MYT1L: variants seen among roughly 807,000 people sequenced by gnomAD.
MYT1L encodes myelin transcription factor 1 like.
MYT1L carries 12 observed loss-of-function variants against 126.7 expected under a neutral mutation model. The observed-to-expected ratio is 0.09, with a 90% CI of 0.06 to 0.15. The LOEUF (loss-of-function observed/expected upper bound fraction) is 0.15. Ranked by LOEUF, MYT1L falls within the 10% of genes least tolerant of loss-of-function variation. The probability of loss-of-function intolerance (pLI) is 1.00; values close to 1 mark genes in which losing one functional copy is unlikely to be tolerated. For missense variants in MYT1L, 979 were observed against 1,585.2 expected (o/e 0.62, Z 6.49); for synonymous variants, 541 against 604.2 (o/e 0.90, Z 1.53).
chr2:2,057,399 C>T (rs576300127), intron 3 of MYT1L, among the ~76,000 whole-genome samples: 10 of 152,054 alleles, frequency 6.6e-5, no homozygotes, highest in Non-Finnish European at 1.2e-4. Context: ...CATAGCCACA[C>T]TCACCCTTTT....
chr2:1,805,439 G>C (rs1422387467), intron 22 of MYT1L, among the ~76,000 whole-genome samples: 1 of 152,202 alleles, frequency 6.6e-6, no homozygotes, highest in Non-Finnish European at 1.5e-5. Context: ...CCCCAGGAAA[G>C]GCTTTACACT....
intron 4 of MYT1L, among the ~76,000 whole-genome samples, chr2:2,009,421 T>C (rs575759779): frequency 6.6e-6 from 1 of 152,222 alleles, no homozygotes; most frequent in African/African-American, 2.4e-5. Flanking sequence ...ATCATTTACC[T>C]CCTTTGTTAA....
chr2:1,809,102 A>C lies in MYT1L; in HGVS notation c.3146T>G (p.Leu1049Arg). ...GTTGCTGGCCCGCTGTTTGATGGTC[A>C]GCATCTGCTCTCCAGAAAGCTTTGC... ...KKAKLSGEQMLTIKQRASNGI... is the reference protein window; with the variant it reads ...KKAKLSGEQMRTIKQRASNGI... The change falls in exon 22 of 25, where the codon CTG (leucine) becomes CGG (arginine). Residue 1049 changes from leucine (L) to arginine (R), a missense_variant. Physicochemically the swap from Leu to Arg is moderately radical, Grantham distance 102 (BLOSUM62 -2). Coordinates refer to ENST00000647738, the MANE Select transcript of MYT1L (RefSeq NM_001303052.2). 9 of 1,613,978 alleles carry C rather than the reference A, an allele frequency of 5.6e-6. No individual in the cohort carries two copies. Among genetic ancestry groups the C allele is most frequent in the Non-Finnish European group, 7.6e-6 (9 of 1,179,884 alleles).
At chr2:1,828,579 C>T (rs1436032108) in intron 21 of MYT1L, 1 of 152,068 alleles carries the variant, frequency 6.6e-6, no homozygotes, top group East Asian at 1.9e-4. Flanking sequence ...GACCTCAGCT[C>T]TGCTCAAATA....
chr2:2,181,492 T>C (rs2091519475), intron 2 of MYT1L, among the ~76,000 whole-genome samples: 1 of 152,116 alleles, frequency 6.6e-6, no homozygotes, highest in African/African-American at 2.4e-5. Flanking sequence ...ATATAGAAAT[T>C]ACCGTCTGTC....
chr2:2,323,628 A>C (rs2096206798), intron 1 of MYT1L, among the ~76,000 whole-genome samples: 1 of 152,212 alleles, frequency 6.6e-6, no homozygotes, highest in Admixed American at 6.5e-5. Context: ...ACAATAGAAA[A>C]TTAGGATTCC....
At chr2:2,006,267 T>C (rs779307351) in intron 4 of MYT1L, among the ~76,000 whole-genome samples, 1 of 152,352 alleles carries the variant, frequency 6.6e-6, no homozygotes, top group Non-Finnish European at 1.5e-5. Context: ...TTATCATGTA[T>C]GTTTGATGTT....
At chr2:1,802,407 G>C (rs191976854) in intron 22 of MYT1L, among the ~76,000 whole-genome samples, 1 of 152,168 alleles carries the variant, frequency 6.6e-6, no homozygotes, top group African/African-American at 2.4e-5. Context: ...GGGGCTGGCC[G>C]GAGGGAGATG....
intron 8 of MYT1L, among the ~76,000 whole-genome samples, chr2:1,946,375 C>T (rs937332699): frequency 6.6e-6 from 1 of 152,082 alleles, no homozygotes; most frequent in African/African-American, 2.4e-5. Context: ...CCTCTCCACC[C>T]CCAAACCATG....
chr2:2,211,568 G>A (rs1373069454), intron 2 of MYT1L, among the ~76,000 whole-genome samples: 2 of 152,026 alleles, frequency 1.3e-5, no homozygotes, highest in African/African-American at 2.4e-5. Context: ...TGCACTTTAG[G>A]AGGCCGAGGC....
intron 18 of MYT1L, among the ~76,000 whole-genome samples, chr2:1,882,366 G>A (rs1267572213): frequency 6.6e-6 from 1 of 151,888 alleles, no homozygotes; most frequent in African/African-American, 2.4e-5. Context: ...GGGTGCTCTC[G>A]GGTGAGCCAA....
At chr2:1,831,718 G>A (rs2040213371) in intron 21 of MYT1L, among the ~76,000 whole-genome samples, 1 of 152,052 alleles carries the variant, frequency 6.6e-6, no homozygotes, top group Admixed American at 6.6e-5. Context: ...CTTTTCTCTG[G>A]AAGCTTCTGC....
At chr2:2,066,969 C>T (rs955158912) in intron 3 of MYT1L, among the ~76,000 whole-genome samples, 4 of 152,178 alleles carry the variant, frequency 2.6e-5, no homozygotes, top group Admixed American at 6.5e-5. Context: ...CCTGAATCAA[C>T]GGAGAGATAA....
rs1372466005 is a variant in MYT1L at position 1,956,352 on chromosome 2, T to A, written c.153-13018A>T. ...CCTATTCTATATTTCCTATTCTATC[T>A]ATCTATCTATCATCTATCCTATTCT... On this transcript the variant is annotated intron_variant, in intron 8 of 24. Transcript: ENST00000647738. 3.3e-5 allele frequency among the ~76,000 whole-genome samples: 5 copies of A among 150,552 alleles called. 1 individual carries two copies.
chr2:2,251,779 T>C (rs542844766), intron 2 of MYT1L, among the ~76,000 whole-genome samples: 19 of 143,066 alleles, frequency 1.3e-4, no homozygotes, highest in Non-Finnish European at 2.6e-4. Flanking sequence ...CCACAACTAA[T>C]ACAAGAGCAT....
intron 2 of MYT1L, among the ~76,000 whole-genome samples, chr2:2,223,420 A>G (rs998165790): frequency 3.9e-5 from 6 of 152,216 alleles, no homozygotes; most frequent in African/African-American, 1.4e-4. Flanking sequence ...TCTAGAATTG[A>G]ACTGGTCAAA....
chr2:2,110,328 T>C (rs565570671), intron 3 of MYT1L, among the ~76,000 whole-genome samples: 1 of 152,266 alleles, frequency 6.6e-6, no homozygotes, highest in Admixed American at 6.5e-5. Flanking sequence ...TCGAGCTCCA[T>C]TTATCTGTTC....
At chr2:2,134,855 G>A (rs975591339) in intron 3 of MYT1L, among the ~76,000 whole-genome samples, 1 of 152,168 alleles carries the variant, frequency 6.6e-6, no homozygotes, top group Non-Finnish European at 1.5e-5. Context: ...TATTGCAAAG[G>A]AGGGCACCAC....
intron 1 of MYT1L, among the ~76,000 whole-genome samples, chr2:2,319,934 T>C (rs1573546294): frequency 6.6e-6 from 1 of 152,108 alleles, no homozygotes; most frequent in East Asian, 1.9e-4. Context: ...GGAAGGGAGG[T>C]GCTGACCTTA....
Sources: allele counts gnomAD v4.1 joint callset (sites outside exome capture counted in the v4.1 genomes callset), GRCh38; gene constraint gnomAD v4.1.1; transcripts MANE v1.5; gene names NCBI Gene and HGNC (gene_info 2026-07-23, HGNC 2026-07-21).